Variants in CYP4B1 observed in about 807,000 individuals in gnomAD.
The protein encoded by CYP4B1 is cytochrome P450 family 4 subfamily B member 1.
Under a neutral mutation model 54.0 loss-of-function variants are expected in CYP4B1, and 45 were observed. That is an observed-to-expected ratio of 0.83 (90% confidence interval 0.66 to 1.07). The LOEUF (loss-of-function observed/expected upper bound fraction) is 1.07, where lower values mean the gene tolerates loss of function less well. Among genes scored for constraint, CYP4B1 ranks in the 50% least tolerant of loss-of-function variants. The pLI, the probability that CYP4B1 is intolerant of heterozygous loss-of-function variation, is 0.00. For synonymous variants in CYP4B1, 248 were observed against 247.5 expected (o/e 1.00, Z -0.02); for missense variants, 656 against 655.4 (o/e 1.00, Z -0.01).
intron 9 of CYP4B1, 101 bp downstream of exon 9, chr1:46,817,282 A>C (rs1679374489): frequency 6.9e-7 from 1 of 1,451,944 alleles, no homozygotes; most frequent in African/African-American, 1.4e-5. Context: ...GGAAGAGCTC[A>C]GGCTTTGCGT....
intron 4 of CYP4B1, among the ~76,000 whole-genome samples, chr1:46,812,998 C>A (rs1679173862): frequency 6.6e-6 from 1 of 152,152 alleles, no homozygotes; most frequent in Admixed American, 6.5e-5. Context: ...AACGTGTCTC[C>A]TCATTTTCTG....
rs529512667 is a variant in CYP4B1, at chr1:46,812,190, C to T, written c.368-306C>T. 482 of 527,658 alleles carry T rather than the reference C, an allele frequency of 9.1e-4. 6 individuals carry two copies. Among genetic ancestry groups the T allele is most frequent in the South Asian group, 7.2e-3 (470 of 65,180 alleles). The allele number at this position is 527,658 out of a possible 1,614,324, so 32.7% of individuals were successfully genotyped here. On this transcript the variant is annotated intron_variant, in intron 3 of 11. Coordinates refer to ENST00000371923, the MANE Select transcript of CYP4B1 (RefSeq NM_001099772.2). ...GGCTGTCCCCAGGGGGATGCGTGTC[C>T]TTTGTCTCACATCTGGCAATGTCAT...
At chr1:46,803,928 A>G (rs188669708) in intron 1 of CYP4B1, among the ~76,000 whole-genome samples, 1 of 152,160 alleles carries the variant, frequency 6.6e-6, no homozygotes, top group Non-Finnish European at 1.5e-5. Context: ...GTGTACGAAC[A>G]TGTGTATGAG....
intron 1 of CYP4B1, among the ~76,000 whole-genome samples, chr1:46,805,922 A>G (rs1378479983): frequency 1.3e-5 from 2 of 152,168 alleles, no homozygotes; most frequent in Non-Finnish European, 1.5e-5. Flanking sequence ...AAGGGTGTCC[A>G]TCCTGAAGGA....
In CYP4B1 at chr1:46,818,893, A is replaced by T; in HGVS notation, c.*79A>T. On this transcript the variant is annotated 3_prime_UTR_variant, in exon 12 of 12. Coordinates refer to ENST00000371923, the MANE Select transcript of CYP4B1 (RefSeq NM_001099772.2). ...ACCCTCCCCAGGCTGGGTGTGGAGG[A>T]GTTGGGGCCCCCTGCCTTCAGGAGG... 6.7e-7 allele frequency: 1 copy of T among 1,491,150 alleles called. No homozygotes were observed. 92.4% of individuals were successfully genotyped at this position (1,491,150 alleles called of 1,614,324 possible).
chr1:46,817,353 G>A (rs1284614263), intron 9 of CYP4B1, 172 bp downstream of exon 9: 2 of 691,610 alleles, frequency 2.9e-6, no homozygotes, highest in Non-Finnish European at 4.8e-6. Flanking sequence ...TTCTACCTCT[G>A]AGCCTCCATT....
chr1:46,806,661 G>A (rs1678873609), intron 1 of CYP4B1: 1 of 152,212 alleles, frequency 6.6e-6, no homozygotes, highest in Non-Finnish European at 1.5e-5. Flanking sequence ...GAGGAAAGTG[G>A]TGACGTATGC....
At chr1:46,818,595 C>CTTTGTGCTG (rs1557505689) in intron 11 of CYP4B1, 36 bp from the exon 12 acceptor site, 1 of 1,601,874 alleles carries the variant, frequency 6.2e-7, no homozygotes. Context: ...TCTGGATGCT[C>CTTTGTGCTG]CATTGCACGA....
At chr1:46,805,751 C>T (rs187049459) in intron 1 of CYP4B1, among the ~76,000 whole-genome samples, 3 of 152,320 alleles carry the variant, frequency 2.0e-5, no homozygotes, top group Admixed American at 6.5e-5. Flanking sequence ...TACATCTTCT[C>T]CCTTTTGGTT....
Position 46,818,118 on chromosome 1 carries a change from C to A in CYP4B1, c.1273-13C>A. 2.5e-6 allele frequency: 4 copies of A among 1,614,084 alleles called. No individual in the cohort carries two copies. The highest frequency in any genetic ancestry group is 3.4e-6 in the Non-Finnish European group (4 of 1,179,940). ...GAACCTGGCGAGTGTTTAAGCAAGGCCTGTCCCTTCAGGTCTTTGACTCTC... is the reference window on the plus strand; with the variant it reads ...GAACCTGGCGAGTGTTTAAGCAAGGACTGTCCCTTCAGGTCTTTGACTCTC... On this transcript the variant is annotated splice_polypyrimidine_tract_variant and intron_variant, in intron 10 of 11. Coordinates refer to ENST00000371923, the MANE Select transcript of CYP4B1 (RefSeq NM_001099772.2).
intron 2 of CYP4B1, 46 bp from the exon 3 acceptor site, chr1:46,811,094 C>T (rs1162091290): frequency 6.2e-7 from 1 of 1,611,578 alleles, no homozygotes; most frequent in African/African-American, 1.3e-5. Context: ...TGAGCCTCCT[C>T]TAGGAACCCC....
chr1:46,810,688 G>C (rs1679061100), intron 1 of CYP4B1, 120 bp from the exon 2 acceptor site: 1 of 964,318 alleles, frequency 1.0e-6, no homozygotes, highest in Non-Finnish European at 1.6e-6. Flanking sequence ...GGGTGCAGGA[G>C]AGGTAAGGAA....
chr1:46,799,096 C>T lies in CYP4B1; in HGVS notation c.15C>T (p.Phe5=). Residue 5 remains phenylalanine, a synonymous_variant, in exon 1 of 12, where the codon TTC becomes TTT. Transcript: ENST00000371923. MVPS[F]LSLSFSSLGL... ...GAACTGCAACCATGGTGCCCAGCTTCCTCTCCCTGAGCTTCTCCTCCTTGG... is the reference window on the plus strand; with the variant it reads ...GAACTGCAACCATGGTGCCCAGCTTTCTCTCCCTGAGCTTCTCCTCCTTGG... 1 of 1,614,038 alleles carries T rather than the reference C, an allele frequency of 6.2e-7. No homozygotes were observed. The highest frequency in any genetic ancestry group is 8.5e-7 in the Non-Finnish European group (1 of 1,179,990).
chr1:46,813,445 C>T (rs753236162), intron 4 of CYP4B1, 37 bp from the exon 5 acceptor site: 43 of 1,613,614 alleles, frequency 2.7e-5, no homozygotes, highest in East Asian at 8.9e-5. Context: ...ACCCCTGCAT[C>T]GCCTCCTACA....
intron 8 of CYP4B1, among the ~76,000 whole-genome samples, chr1:46,816,211 A>C (rs1237056228): frequency 6.6e-6 from 1 of 152,172 alleles, no homozygotes; most frequent in East Asian, 1.9e-4. Context: ...ACAAATTCAC[A>C]TAATCAAACA....
At position 46,813,572 on chromosome 1, in the gene CYP4B1, A is replaced by T; in HGVS notation, c.586A>T (p.Thr196Ser). Residue 196 changes from threonine (T) to serine (S), a missense_variant, in exon 5 of 12, where the codon ACC (threonine) becomes TCC (serine). Coordinates refer to ENST00000371923, the MANE Select transcript of CYP4B1 (RefSeq NM_001099772.2). ...GGCGCTGAACACACTCATGAAGTGC[A>T]CCTTTGGAAGAGGAGACACCGGCCT... ...HMALNTLMKC[T>S]FGRGDTGLGH... 1 of 1,614,112 alleles carries T rather than the reference A, an allele frequency of 6.2e-7. No homozygotes were observed. Among genetic ancestry groups the T allele is most frequent in the Non-Finnish European group, 8.5e-7 (1 of 1,180,034 alleles).
chr1:46,810,296 T>C (rs946012574), intron 1 of CYP4B1, among the ~76,000 whole-genome samples: 1 of 152,202 alleles, frequency 6.6e-6, no homozygotes, highest in African/African-American at 2.4e-5. Context: ...TGTCTACTTG[T>C]CTATTATCTG....
intron 1 of CYP4B1, among the ~76,000 whole-genome samples, chr1:46,803,093 C>T (rs1024701869): frequency 3.3e-5 from 5 of 152,190 alleles, no homozygotes; most frequent in Non-Finnish European, 7.3e-5. Context: ...CACACAGATC[C>T]TTGAGGCCAG....
chr1:46,800,194 T>TA (rs1491571632), intron 1 of CYP4B1, among the ~76,000 whole-genome samples: 1 of 42,454 alleles, frequency 2.4e-5, no homozygotes, highest in Non-Finnish European at 7.6e-5. Context: ...TCTTTCTTTC[T>TA]TTCTCTTTCT....
Sources: allele counts gnomAD v4.1 joint callset (sites outside exome capture counted in the v4.1 genomes callset), GRCh38; gene constraint gnomAD v4.1.1; transcripts MANE v1.5; gene names NCBI Gene and HGNC (gene_info 2026-07-23, HGNC 2026-07-21).